The following CPNE4 variants were observed in gnomAD, a reference collection of about 807,000 sequenced individuals.
CPNE4 encodes copine-4.
CPNE4 carries 25 observed loss-of-function variants against 67.9 expected under a neutral mutation model. The ratio of observed to expected loss-of-function variants is 0.37; its 90% CI spans 0.27 to 0.51. The LOEUF (loss-of-function observed/expected upper bound fraction) is 0.51. CPNE4 is among the 20% of genes least tolerant of loss of function. The probability of loss-of-function intolerance (pLI) is 0.93; values close to 1 mark genes in which losing one functional copy is unlikely to be tolerated. For synonymous variants in CPNE4, 242 were observed against 244.9 expected (o/e 0.99, Z 0.11); for missense variants, 464 against 690.8 (o/e 0.67, Z 3.68).
At chr3:131,655,651 G>T (rs966917460) in intron 7 of CPNE4, among the ~76,000 whole-genome samples, 1 of 152,010 alleles carries the variant, frequency 6.6e-6, no homozygotes, top group Non-Finnish European at 1.5e-5. Flanking sequence ...AACCGACGTC[G>T]GGGGGCAGGG....
Position 131,549,236 on chromosome 3 carries a change from G to C in CPNE4, c.1302+711C>G, listed in dbSNP as rs140355632. ...AAGGTTAGATGAATTGATGTAAGAA[G>C]ATAAGGGAGTAGTATTTTTTTAAAT... On this transcript the variant is annotated intron_variant, in intron 14 of 15. Coordinates refer to ENST00000429747, the MANE Select transcript of CPNE4 (RefSeq NM_130808.3). Among the ~76,000 whole-genome samples the C allele has an allele frequency of 2.6e-5, 4 of 152,224 alleles. No homozygotes were observed. The East Asian group carries it at 7.7e-4, about 29-fold the overall frequency.
At chr3:131,763,709 C>T (rs536917657) in intron 2 of CPNE4, among the ~76,000 whole-genome samples, 1 of 152,010 alleles carries the variant, frequency 6.6e-6, no homozygotes, top group Non-Finnish European at 1.5e-5. Context: ...TTCTCCTACA[C>T]TGTGTAGGGG....
chr3:131,891,118 C>T (rs12695562), intron 2 of CPNE4, among the ~76,000 whole-genome samples: 97,509 of 151,790 alleles, frequency 0.64, 31,553 homozygotes, highest in Admixed American at 0.73. Context: ...CAAACAAAAA[C>T]CCAAAGAGAC....
intron 2 of CPNE4, among the ~76,000 whole-genome samples, chr3:131,849,849 TG>T (rs1159591572): frequency 6.6e-6 from 1 of 152,170 alleles, no homozygotes; most frequent in Non-Finnish European, 1.5e-5. Flanking sequence ...CACAGATGTC[TG>T]AGCTAAATAA....
chr3:131,617,561 A>G (rs1416689088), intron 7 of CPNE4, among the ~76,000 whole-genome samples: 1 of 152,226 alleles, frequency 6.6e-6, no homozygotes, highest in East Asian at 1.9e-4. Flanking sequence ...AACAATGTGT[A>G]GACTAAAATT....
chr3:131,942,463 T>TGAGAGAGA (rs59277847), intron 1 of CPNE4, among the ~76,000 whole-genome samples: 48 of 70,754 alleles, frequency 6.8e-4, no homozygotes, highest in African/African-American at 1.3e-3. Flanking sequence ...TGTGTGTGTG[T>TGAGAGAGA]GAGAGAGAGA....
intron 7 of CPNE4, among the ~76,000 whole-genome samples, chr3:131,608,319 A>C (rs1426967001): frequency 1.3e-5 from 2 of 152,170 alleles, no homozygotes; most frequent in African/African-American, 2.4e-5. Context: ...TGGTGCATTT[A>C]ATGTGGAGTA....
chr3:131,972,625 AC>A (rs1317245312), intron 1 of CPNE4, among the ~76,000 whole-genome samples: 4 of 152,160 alleles, frequency 2.6e-5, no homozygotes, highest in African/African-American at 9.7e-5. Context: ...CCTACAGCTC[AC>A]AACAGGACCT....
Position 131,721,707 on chromosome 3 carries a change from A to C in CPNE4, c.360+1739T>G, listed in dbSNP as rs549287919. Among the ~76,000 whole-genome samples the C allele has an allele frequency of 1.5e-4, 23 of 152,072 alleles. 1 individual carries two copies. The highest frequency in any genetic ancestry group is 7.2e-4 in the Admixed American group (11 of 15,270). ...ACCGCGCCTGGCCGGATCTACCTTTATTTCTTGTGACAAAATATAAAATTT... is the reference window on the plus strand; with the variant it reads ...ACCGCGCCTGGCCGGATCTACCTTTCTTTCTTGTGACAAAATATAAAATTT... On this transcript the variant is annotated intron_variant, in intron 3 of 15. Transcript: ENST00000429747.
intron 2 of CPNE4, among the ~76,000 whole-genome samples, chr3:131,731,018 C>A (rs552889754): frequency 6.6e-6 from 1 of 152,194 alleles, no homozygotes; most frequent in Non-Finnish European, 1.5e-5. Context: ...GCACTCTTCA[C>A]CCATCAAGCA....
intron 1 of CPNE4, among the ~76,000 whole-genome samples, chr3:132,019,701 T>C (rs2107687381): frequency 6.6e-6 from 1 of 152,332 alleles, no homozygotes; most frequent in South Asian, 2.1e-4. Context: ...ATTAGCCAAA[T>C]TCATGCTTTT....
chr3:131,820,623 C>T (rs1417262953), intron 2 of CPNE4, among the ~76,000 whole-genome samples: 2 of 152,208 alleles, frequency 1.3e-5, no homozygotes, highest in Admixed American at 6.5e-5. Context: ...ACATCTCTTT[C>T]TAATAGAAGT....
At chr3:131,767,260 CGTGT>C (rs67444198) in intron 2 of CPNE4, among the ~76,000 whole-genome samples, 29,553 of 150,276 alleles carry the variant, frequency 0.2, 3,513 homozygotes, top group Non-Finnish European at 0.26. Context: ...TAAGTGTGAG[CGTGT>C]GTGTGTGTGT....
chr3:131,712,147 C>T (rs1282373618), intron 3 of CPNE4, among the ~76,000 whole-genome samples: 8 of 152,216 alleles, frequency 5.3e-5, no homozygotes, highest in Non-Finnish European at 1.0e-4. Context: ...ACGTGTCTTA[C>T]TCCTCCACCT....
At chr3:131,615,928 C>T (rs894677795) in intron 7 of CPNE4, among the ~76,000 whole-genome samples, 6 of 82,914 alleles carry the variant, frequency 7.2e-5, no homozygotes, top group African/African-American at 5.1e-4. Context: ...CACACACACA[C>T]GCACACACAC....
chr3:131,747,666 CA>C (rs1234412716), intron 2 of CPNE4, among the ~76,000 whole-genome samples: 1 of 152,092 alleles, frequency 6.6e-6, no homozygotes, highest in Non-Finnish European at 1.5e-5. Context: ...ACCACATGCC[CA>C]GCTGGTTTCT....
intron 2 of CPNE4, among the ~76,000 whole-genome samples, chr3:131,800,752 A>T (rs2084069708): frequency 6.6e-6 from 1 of 152,176 alleles, no homozygotes; most frequent in Non-Finnish European, 1.5e-5. Flanking sequence ...GTTTGGAATA[A>T]GCAAGTGACA....
intron 7 of CPNE4, among the ~76,000 whole-genome samples, chr3:131,655,211 T>C (rs2107631384): frequency 6.6e-6 from 1 of 152,354 alleles, no homozygotes; most frequent in Non-Finnish European, 1.5e-5. Flanking sequence ...ATCTGGGAAC[T>C]TGTCAGAAAT....
intron 7 of CPNE4, among the ~76,000 whole-genome samples, chr3:131,589,174 T>C (rs1408962974): frequency 1.3e-5 from 2 of 152,140 alleles, no homozygotes; most frequent in Admixed American, 6.5e-5. Context: ...TGTTAGGCCA[T>C]CTGCAAGCTG....
Sources: allele counts gnomAD v4.1 joint callset (sites outside exome capture counted in the v4.1 genomes callset), GRCh38; gene constraint gnomAD v4.1.1; transcripts MANE v1.5; gene names NCBI Gene and HGNC (gene_info 2026-07-23, HGNC 2026-07-21).